The following SLC35F3 variants were observed in gnomAD, a reference collection of about 807,000 sequenced individuals.
The protein encoded by SLC35F3 is putative thiamine transporter SLC35F3.
Under a neutral mutation model 49.9 loss-of-function variants are expected in SLC35F3, and 25 were observed. The observed-to-expected ratio is 0.50, with a 90% confidence interval of 0.37 to 0.70. The LOEUF is 0.70. SLC35F3 is among the 30% of genes least tolerant of loss of function. SLC35F3 has a pLI of 0.00. For synonymous variants in SLC35F3, 275 were observed against 265.4 expected (o/e 1.04, Z -0.35); for missense variants, 525 against 639.8 (o/e 0.82, Z 1.94).
intron 2 of SLC35F3, among the ~76,000 whole-genome samples, chr1:234,009,525 T>C (rs762349785): frequency 6.6e-6 from 1 of 152,204 alleles, no homozygotes; most frequent in Non-Finnish European, 1.5e-5. Flanking sequence ...GCAAATAAAT[T>C]ACAACTCATT....
chr1:234,272,870 G>A (rs1254647446), intron 3 of SLC35F3, among the ~76,000 whole-genome samples: 2 of 150,562 alleles, frequency 1.3e-5, no homozygotes, highest in African/African-American at 4.8e-5. Context: ...AGTGTGGACA[G>A]CAGGCTCGCT....
chr1:234,032,250 C>T (rs993274628), intron 2 of SLC35F3, among the ~76,000 whole-genome samples: 1 of 152,076 alleles, frequency 6.6e-6, no homozygotes, highest in African/African-American at 2.4e-5. Context: ...TAAATATACT[C>T]ATCATGTTTA....
intron 2 of SLC35F3, among the ~76,000 whole-genome samples, chr1:233,929,833 G>T (rs1198426049): frequency 2.0e-5 from 3 of 152,094 alleles, no homozygotes; most frequent in Non-Finnish European, 4.4e-5. Context: ...CAACTACAGG[G>T]ATTAGAATAA....
intron 2 of SLC35F3, among the ~76,000 whole-genome samples, chr1:233,992,662 G>C (rs1251319275): frequency 6.6e-6 from 1 of 152,154 alleles, no homozygotes; most frequent in East Asian, 1.9e-4. Context: ...TCACACTGGG[G>C]ATCAAATTTC....
intron 2 of SLC35F3, among the ~76,000 whole-genome samples, chr1:234,055,241 G>A (rs910494156): frequency 1.2e-4 from 18 of 152,142 alleles, no homozygotes; most frequent in Admixed American, 3.3e-4. Flanking sequence ...TGCCCCCAGA[G>A]GTCTACAGAG....
intron 6 of SLC35F3, among the ~76,000 whole-genome samples, chr1:234,319,482 C>T (rs1260963710): frequency 1.3e-5 from 2 of 152,096 alleles, no homozygotes; most frequent in Non-Finnish European, 2.9e-5. Flanking sequence ...ATGGGAGGAT[C>T]GCTTGAGCCC....
At chr1:234,107,373 T>A (rs1665300378) in intron 2 of SLC35F3, among the ~76,000 whole-genome samples, 1 of 152,190 alleles carries the variant, frequency 6.6e-6, no homozygotes, top group Non-Finnish European at 1.5e-5. Context: ...TTGGCACCAG[T>A]AATTTAATCT....
At chr1:234,080,823 C>T (rs1186005558) in intron 2 of SLC35F3, among the ~76,000 whole-genome samples, 1 of 152,146 alleles carries the variant, frequency 6.6e-6, no homozygotes, top group Non-Finnish European at 1.5e-5. Context: ...GGAAATATTT[C>T]AAATAAGATA....
chr1:234,099,629 A>G (rs1433162308), intron 2 of SLC35F3, among the ~76,000 whole-genome samples: 2 of 145,964 alleles, frequency 1.4e-5, no homozygotes, highest in Admixed American at 1.4e-4. Context: ...AAAAAAAAAC[A>G]AAAAAAAGAT....
chr1:233,982,300 G>A (rs113242618), intron 2 of SLC35F3, among the ~76,000 whole-genome samples: 5,685 of 152,204 alleles, frequency 0.037, 223 homozygotes, highest in African/African-American at 0.093. Context: ...ATCAGTCCAC[G>A]TCTTTTGTCC....
At chr1:234,273,112 T>G (rs1475279752) in intron 3 of SLC35F3, among the ~76,000 whole-genome samples, 1 of 152,262 alleles carries the variant, frequency 6.6e-6, no homozygotes, top group Non-Finnish European at 1.5e-5. Flanking sequence ...CCTGCTGCAT[T>G]CAGGGAATTG....
intron 2 of SLC35F3, among the ~76,000 whole-genome samples, chr1:233,959,573 T>C (rs779458917): frequency 6.6e-6 from 1 of 152,170 alleles, no homozygotes; most frequent in Non-Finnish European, 1.5e-5. Flanking sequence ...GTTTGATCCT[T>C]GTGAGTACCA....
chr1:233,966,717 A>G (rs1387699609), intron 2 of SLC35F3, among the ~76,000 whole-genome samples: 2 of 152,236 alleles, frequency 1.3e-5, no homozygotes, highest in Non-Finnish European at 2.9e-5. Flanking sequence ...CAGCTTTAGA[A>G]TTTTCTAAAT....
intron 3 of SLC35F3, among the ~76,000 whole-genome samples, chr1:234,267,316 T>C (rs925340646): frequency 4.5e-5 from 6 of 134,198 alleles, no homozygotes; most frequent in South Asian, 2.5e-4. Context: ...ATTTCTCAAT[T>C]TTTTCCCCAC....
At chr1:234,094,393 G>A (rs1057314673) in intron 2 of SLC35F3, among the ~76,000 whole-genome samples, 24 of 152,224 alleles carry the variant, frequency 1.6e-4, no homozygotes, top group African/African-American at 5.8e-4. Context: ...TTCAGCTTCA[G>A]ATAGCAAGAG....
intron 2 of SLC35F3, among the ~76,000 whole-genome samples, chr1:233,985,336 CA>C (rs2102824235): frequency 6.6e-6 from 1 of 152,308 alleles, no homozygotes; most frequent in African/African-American, 2.4e-5. Context: ...GTTTGTGCTC[CA>C]TGCAGAGTCT....
At chr1:234,135,197 CAT>C (rs1270811018) in intron 2 of SLC35F3, among the ~76,000 whole-genome samples, 13 of 152,168 alleles carry the variant, frequency 8.5e-5, no homozygotes, top group African/African-American at 2.9e-4. Context: ...GCTAGCCCAA[CAT>C]GTGGCACTTA....
chr1:234,111,493 A>G (rs954357030), intron 2 of SLC35F3, among the ~76,000 whole-genome samples: 1 of 152,168 alleles, frequency 6.6e-6, no homozygotes. Flanking sequence ...GGGTCTCACC[A>G]TGCTGGCCAG....
chr1:234,158,010 G>C (rs777769457), intron 2 of SLC35F3, among the ~76,000 whole-genome samples: 2 of 152,062 alleles, frequency 1.3e-5, no homozygotes, highest in Non-Finnish European at 2.9e-5. Context: ...TTTATGAGTC[G>C]ATTCAGCCAG....
Sources: allele counts gnomAD v4.1 joint callset (sites outside exome capture counted in the v4.1 genomes callset), GRCh38; gene constraint gnomAD v4.1.1; transcripts MANE v1.5; gene names NCBI Gene and HGNC (gene_info 2026-07-23, HGNC 2026-07-21).